GCNT4: variants seen among roughly 807,000 people sequenced by gnomAD.
GCNT4 encodes glucosaminyl (N-acetyl) transferase 4.
Under a neutral mutation model 31.3 loss-of-function variants are expected in GCNT4, and 17 were observed. The observed-to-expected ratio is 0.54, with a 90% CI of 0.37 to 0.81. The LOEUF is 0.81. Among genes scored for constraint, GCNT4 ranks in the 40% least tolerant of loss-of-function variants. The probability of loss-of-function intolerance (pLI) is 0.00; values close to 1 mark genes in which losing one functional copy is unlikely to be tolerated. For synonymous variants in GCNT4, 158 were observed against 190.6 expected (o/e 0.83, Z 1.41); for missense variants, 503 against 525.5 (o/e 0.96, Z 0.42).
chr5:75,036,295 G>A (rs1306293714), intron 3 of GCNT4, among the ~76,000 whole-genome samples: 1 of 152,182 alleles, frequency 6.6e-6, no homozygotes, highest in Non-Finnish European at 1.5e-5. Context: ...TACTCTAGAT[G>A]TAATTCAATC....
At chr5:75,032,412 T>C (rs1293055399) in intron 3 of GCNT4, among the ~76,000 whole-genome samples, 1 of 152,146 alleles carries the variant, frequency 6.6e-6, no homozygotes, top group Non-Finnish European at 1.5e-5. Context: ...CTCGACATCA[T>C]CACCTCGCCT....
chr5:75,049,728 T>G (rs1368140780), intron 2 of GCNT4, among the ~76,000 whole-genome samples: 1 of 152,182 alleles, frequency 6.6e-6, no homozygotes, highest in Non-Finnish European at 1.5e-5. Flanking sequence ...TACAGTTAAT[T>G]TTATACAGCA....
chr5:75,042,284 C>T (rs144525388), intron 3 of GCNT4, among the ~76,000 whole-genome samples: 54 of 152,204 alleles, frequency 3.5e-4, no homozygotes, highest in African/African-American at 7.9e-4. Context: ...AGTAGAAAAA[C>T]TGAATTGAAA....
chr5:75,024,703 G>T (rs1466025478), downstream of GCNT4, among the ~76,000 whole-genome samples: 1 of 152,112 alleles, frequency 6.6e-6, no homozygotes, highest in African/African-American at 2.4e-5. Flanking sequence ...CTTGGCTTAT[G>T]CCTGTAATCC....
Position 75,028,839 on chromosome 5 carries a change from C to T in GCNT4, c.1199G>A (p.Trp400Ter). ...AAACCAATGTCCATCTTTGATAAGC[C>T]ACCTTAATTCTGCAGCTCCATAAAT... ...VCIYGAAELR[W>*]LIKDGHWFAN... The change falls in exon 4 of 4, where the codon TGG (tryptophan) becomes TAG (stop). Residue 400 changes from tryptophan (W) to a stop codon, truncating the protein, a stop_gained. Coordinates refer to ENST00000652361, the MANE Select transcript of GCNT4 (RefSeq NM_001366737.1). LOFTEE classifies it high-confidence loss of function. The T allele has an allele frequency of 6.2e-7, 1 of 1,614,048 alleles. No individual in the cohort carries two copies. Among genetic ancestry groups the T allele is most frequent in the Non-Finnish European group, 8.5e-7 (1 of 1,180,006 alleles).
At chr5:75,017,871 C>T in the GCNT4 span, among the ~76,000 whole-genome samples, 2 of 152,128 alleles carry the variant, frequency 1.3e-5, no homozygotes, top group Non-Finnish European at 2.9e-5. Flanking sequence ...CTAAGCTTAT[C>T]CTAATAAAAA....
rs982273915 is a variant in GCNT4 at position 75,029,442 on chromosome 5, T to G, written c.596A>C (p.His199Pro). The change falls in exon 4 of 4, where the codon CAC (histidine) becomes CCC (proline). Residue 199 changes from histidine to proline, a missense_variant. His to Pro is a moderately conservative substitution (Grantham distance 77, BLOSUM62 -2). Coordinates refer to ENST00000652361, the MANE Select transcript of GCNT4 (RefSeq NM_001366737.1). The stretch of plus-strand genomic sequence containing the variant: ...TAAATCAGCCTGGAGTCTGGAAATG[T>G]GGGCATATTCCACAGCCTCTAATTT... ...ASKLEAVEYA[H>P]ISRLQADLNC... is the part of the protein sequence containing the mutation. The G allele has an allele frequency of 7.4e-6, 12 of 1,614,024 alleles. No individual in the cohort carries two copies. Among genetic ancestry groups the G allele is most frequent in the Non-Finnish European group, 1.0e-5 (12 of 1,180,038 alleles).
intron 2 of GCNT4, among the ~76,000 whole-genome samples, chr5:75,051,827 C>G (rs190317326): frequency 1.3e-5 from 2 of 152,196 alleles, no homozygotes; most frequent in African/African-American, 4.8e-5. Context: ...CCACCACCAC[C>G]CCGCAGCAGG....
chr5:75,049,219 A>G (rs1172300776), intron 2 of GCNT4, among the ~76,000 whole-genome samples: 1 of 152,182 alleles, frequency 6.6e-6, no homozygotes, highest in Non-Finnish European at 1.5e-5. Flanking sequence ...TTATTAGTTC[A>G]GCTTCATAAA....
the GCNT4 span, among the ~76,000 whole-genome samples, chr5:75,020,341 C>A: frequency 6.6e-6 from 1 of 152,190 alleles, no homozygotes. Flanking sequence ...CTGGGGACCC[C>A]TGTAAGGGAG....
chr5:75,050,365 TCTC>T (rs1743541422), intron 2 of GCNT4, among the ~76,000 whole-genome samples: 1 of 152,100 alleles, frequency 6.6e-6, no homozygotes, highest in African/African-American at 2.4e-5. Context: ...GTGTTCAGCT[TCTC>T]CTTCCAACTC....
At chr5:75,045,361 T>A (rs1484514550) in intron 3 of GCNT4, among the ~76,000 whole-genome samples, 2 of 152,220 alleles carry the variant, frequency 1.3e-5, no homozygotes, top group Non-Finnish European at 1.5e-5. Flanking sequence ...TCTAGGCCTC[T>A]ATATCATAGG....
At chr5:75,045,749 T>G (rs1743423632) in intron 3 of GCNT4, among the ~76,000 whole-genome samples, 1 of 152,190 alleles carries the variant, frequency 6.6e-6, no homozygotes, top group South Asian at 2.1e-4. Flanking sequence ...AGGCACTGTG[T>G]TAGATTCTGG....
At chr5:75,036,123 G>A (rs1374197018) in intron 3 of GCNT4, among the ~76,000 whole-genome samples, 1 of 151,146 alleles carries the variant, frequency 6.6e-6, no homozygotes, top group African/African-American at 2.4e-5. Flanking sequence ...TTTGCATTCT[G>A]CAAATACTAC....
the GCNT4 span, among the ~76,000 whole-genome samples, chr5:75,017,704 C>A: frequency 1.3e-5 from 2 of 152,212 alleles, no homozygotes; most frequent in African/African-American, 4.8e-5. Flanking sequence ...CCCTCCGGAG[C>A]CAGGACCTCC....
chr5:75,033,661 ATTTAT>A (rs746977243), intron 3 of GCNT4, among the ~76,000 whole-genome samples: 1 of 146,460 alleles, frequency 6.8e-6, no homozygotes, highest in Non-Finnish European at 1.5e-5. Flanking sequence ...CCCTTTATTT[ATTTAT>A]TTATTTATTT....
chr5:75,030,262 T>A lies in GCNT4; in HGVS notation c.-1-224A>T, dbSNP rs1580235867. 22 of 493,440 alleles carry A rather than the reference T, an allele frequency of 4.5e-5. No homozygotes were observed. In the East Asian group the frequency reaches 7.9e-4, roughly 18 times the overall value. 30.6% of individuals were successfully genotyped at this position (493,440 alleles called of 1,614,324 possible). A position where few individuals can be genotyped will look rare whatever the true frequency, so the allele number is the denominator to read the frequency against. On this transcript the variant is annotated intron_variant, in intron 3 of 3. Coordinates refer to ENST00000652361, the MANE Select transcript of GCNT4 (RefSeq NM_001366737.1). ...GTTAACTATACCTAATTTTGAGAGA[T>A]GTTGGTTTCCAAACAGAAGGGAAGG...
chr5:75,049,906 C>T (rs1056236277), intron 2 of GCNT4, among the ~76,000 whole-genome samples: 4 of 152,216 alleles, frequency 2.6e-5, no homozygotes, highest in Non-Finnish European at 4.4e-5. Context: ...ATAGAAATGG[C>T]ATCATGATAA....
chr5:75,053,728 C>T (rs965050250), upstream of GCNT4, among the ~76,000 whole-genome samples: 2 of 152,064 alleles, frequency 1.3e-5, no homozygotes, highest in Non-Finnish European at 2.9e-5. Flanking sequence ...GTAGGAGCGC[C>T]TCCGCGCTCC....
Sources: allele counts gnomAD v4.1 joint callset (sites outside exome capture counted in the v4.1 genomes callset), GRCh38; gene constraint gnomAD v4.1.1; transcripts MANE v1.5; gene names NCBI Gene and HGNC (gene_info 2026-07-23, HGNC 2026-07-21).